GRID2: variants seen among roughly 807,000 people sequenced by gnomAD.
The protein encoded by GRID2 is glutamate receptor ionotropic, delta-2.
A neutral mutation model predicts 114.8 loss-of-function variants in GRID2; 33 were observed. The ratio of observed to expected loss-of-function variants is 0.29; its 90% CI spans 0.22 to 0.38. The LOEUF is 0.38. Ranked by LOEUF, GRID2 falls within the 10% of genes least tolerant of loss-of-function variation. The pLI, the probability that GRID2 is intolerant of heterozygous loss-of-function variation, is 1.00. For synonymous variants in GRID2, 505 were observed against 449.9 expected (o/e 1.12, Z -1.55); for missense variants, 1,184 against 1,257.7 (o/e 0.94, Z 0.89).
chr4:92,727,320 T>G (rs1736116015), intron 2 of GRID2, among the ~76,000 whole-genome samples: 1 of 152,048 alleles, frequency 6.6e-6, no homozygotes, highest in Admixed American at 6.6e-5. Flanking sequence ...ATTTATAAAT[T>G]TATGCAAAAA....
intron 2 of GRID2, among the ~76,000 whole-genome samples, chr4:92,968,668 A>T (rs1184972099): frequency 2.0e-5 from 3 of 151,886 alleles, no homozygotes; most frequent in Non-Finnish European, 4.4e-5. Flanking sequence ...AAACATTGCC[A>T]CATTGTAATT....
chr4:92,742,552 G>A (rs1736944626), intron 2 of GRID2, among the ~76,000 whole-genome samples: 1 of 152,090 alleles, frequency 6.6e-6, no homozygotes, highest in Non-Finnish European at 1.5e-5. Context: ...TGTTCTTTAA[G>A]TTCAAGGATG....
At position 93,649,085 on chromosome 4, in the gene GRID2, T is replaced by C. The variant is rs1427773914; in HGVS notation, c.2360+22650T>C. 2.0e-5 allele frequency among the ~76,000 whole-genome samples: 3 copies of C among 152,154 alleles called. No homozygotes were observed. In the East Asian group the frequency reaches 5.8e-4, roughly 29 times the overall value. Reference sequence around the variant, plus strand: ...ACTAATATTCCCCAATTCCACTTATTTCCTTTCTTCTACTTGATCAACCAT... The same window carrying C: ...ACTAATATTCCCCAATTCCACTTATCTCCTTTCTTCTACTTGATCAACCAT... On this transcript the variant is annotated intron_variant, in intron 14 of 15. Coordinates refer to ENST00000282020, the MANE Select transcript of GRID2 (RefSeq NM_001510.4).
intron 9 of GRID2, among the ~76,000 whole-genome samples, chr4:93,411,398 G>A (rs1340868763): frequency 1.3e-5 from 2 of 151,532 alleles, no homozygotes; most frequent in East Asian, 3.9e-4. Context: ...TTCCCATTTA[G>A]CAATATGCAA....
chr4:92,760,320 A>C (rs555184184), intron 2 of GRID2, among the ~76,000 whole-genome samples: 1 of 151,922 alleles, frequency 6.6e-6, no homozygotes, highest in Non-Finnish European at 1.5e-5. Context: ...TTCCACCCAG[A>C]TCTCCTTTCA....
intron 10 of GRID2, among the ~76,000 whole-genome samples, chr4:93,431,970 GA>G (rs1251203734): frequency 1.3e-5 from 2 of 152,144 alleles, no homozygotes; most frequent in African/African-American, 4.8e-5. Context: ...AGATAGGCAA[GA>G]GAATGGAAAA....
chr4:93,712,590 T>G (rs1309235574), intron 14 of GRID2, among the ~76,000 whole-genome samples: 1 of 152,162 alleles, frequency 6.6e-6, no homozygotes, highest in Admixed American at 6.6e-5. Flanking sequence ...AATTATAAAT[T>G]TCATGAGGAC....
intron 1 of GRID2, among the ~76,000 whole-genome samples, chr4:92,476,264 A>G (rs977835440): frequency 1.3e-5 from 2 of 152,048 alleles, no homozygotes; most frequent in African/African-American, 2.4e-5. Context: ...TGACCTTGTG[A>G]TCCGCCCGCC....
intron 4 of GRID2, among the ~76,000 whole-genome samples, chr4:93,193,383 C>A (rs1454630297): frequency 6.6e-6 from 1 of 152,072 alleles, no homozygotes; most frequent in Non-Finnish European, 1.5e-5. Flanking sequence ...GTAATTGAAT[C>A]ATGGGGTCAA....
chr4:92,441,699 G>A (rs1209559411), intron 1 of GRID2, among the ~76,000 whole-genome samples: 12 of 152,094 alleles, frequency 7.9e-5, no homozygotes, highest in Admixed American at 2.0e-4. Context: ...AGCGTGCTGA[G>A]GGATGGGATA....
chr4:92,599,778 G>C (rs1023328017), intron 2 of GRID2, among the ~76,000 whole-genome samples: 5 of 151,764 alleles, frequency 3.3e-5, no homozygotes, highest in Non-Finnish European at 7.4e-5. Context: ...TGTAATCCCA[G>C]CACTTTGGGA....
intron 2 of GRID2, among the ~76,000 whole-genome samples, chr4:92,929,600 A>C (rs74452006): frequency 0.044 from 6,718 of 151,396 alleles, 261 homozygotes; most frequent in East Asian, 0.19. Flanking sequence ...TGAGCATGTA[A>C]AAGTCATGCT....
Position 92,629,065 on chromosome 4 carries a change from G to T in GRID2, c.244+38779G>T, listed in dbSNP as rs1224075243. 2.0e-5 allele frequency among the ~76,000 whole-genome samples: 3 copies of T among 151,742 alleles called. No homozygotes were observed. In the East Asian group the frequency reaches 5.8e-4, roughly 29 times the overall value. On this transcript the variant is annotated intron_variant, in intron 2 of 15. Transcript: ENST00000282020. ...ATATTCATAATCCCAGGGCTCACTA[G>T]ATACAGTTAATAGTGAAAAAACGAT...
At chr4:93,797,825 A>G (rs1734833603) in intron 1 of GRID2, among the ~76,000 whole-genome samples, 2 of 146,066 alleles carry the variant, frequency 1.4e-5, no homozygotes, top group Non-Finnish European at 3.0e-5. Context: ...AAGAAGGAGA[A>G]AAGTTTTCCC....
At chr4:93,210,795 A>T (rs912403233) in intron 5 of GRID2, among the ~76,000 whole-genome samples, 2 of 152,014 alleles carry the variant, frequency 1.3e-5, no homozygotes, top group Non-Finnish European at 2.9e-5. Context: ...CTCAGTTATA[A>T]TCTGATGGGA....
chr4:92,549,951 A>G (rs1049500878), intron 1 of GRID2, among the ~76,000 whole-genome samples: 2 of 152,154 alleles, frequency 1.3e-5, no homozygotes, highest in Non-Finnish European at 2.9e-5. Flanking sequence ...ACTCAAAGAG[A>G]CAACCCACAT....
chr4:92,924,250 G>A (rs1386965038), intron 2 of GRID2, among the ~76,000 whole-genome samples: 1 of 152,108 alleles, frequency 6.6e-6, no homozygotes, highest in African/African-American at 2.4e-5. Context: ...GGACTGTTGT[G>A]TGTTGGGAGG....
chr4:93,658,068 T>C (rs1003404197), intron 14 of GRID2, among the ~76,000 whole-genome samples: 2 of 152,188 alleles, frequency 1.3e-5, no homozygotes, highest in African/African-American at 4.8e-5. Flanking sequence ...ACAACAGTGA[T>C]AGGAATTTTC....
intron 2 of GRID2, among the ~76,000 whole-genome samples, chr4:92,654,208 G>T (rs1459660271): frequency 1.3e-5 from 2 of 151,918 alleles, no homozygotes; most frequent in Admixed American, 1.3e-4. Context: ...TTCAGTCTTG[G>T]TGAGGGCCCA....
Sources: allele counts gnomAD v4.1 joint callset (sites outside exome capture counted in the v4.1 genomes callset), GRCh38; gene constraint gnomAD v4.1.1; transcripts MANE v1.5; gene names NCBI Gene and HGNC (gene_info 2026-07-23, HGNC 2026-07-21).